The following KSR2 variants were observed in gnomAD, a reference collection of about 807,000 sequenced individuals.
KSR2 encodes kinase suppressor of ras 2.
Under a neutral mutation model 107.8 loss-of-function variants are expected in KSR2, and 25 were observed. That is an observed-to-expected ratio of 0.23 (90% CI 0.17 to 0.32). The LOEUF (loss-of-function observed/expected upper bound fraction) is 0.32. Among genes scored for constraint, KSR2 ranks in the 10% least tolerant of loss-of-function variants. The probability of loss-of-function intolerance (pLI) is 1.00; values close to 1 mark genes in which losing one functional copy is unlikely to be tolerated. For synonymous variants in KSR2, 480 were observed against 507.0 expected (o/e 0.95, Z 0.71); for missense variants, 887 against 1,268.9 (o/e 0.70, Z 4.57).
intron 5 of KSR2, among the ~76,000 whole-genome samples, chr12:117,651,792 T>C (rs1883916596): frequency 1.3e-5 from 2 of 152,164 alleles, no homozygotes; most frequent in African/African-American, 4.8e-5. Context: ...CCTTGACCAA[T>C]GTCTTATGAA....
chr12:117,680,611 T>G (rs1026373911), intron 4 of KSR2, among the ~76,000 whole-genome samples: 1 of 152,200 alleles, frequency 6.6e-6, no homozygotes, highest in African/African-American at 2.4e-5. Context: ...TGAAATTAAC[T>G]GTGCTTAGCA....
chr12:117,855,462 G>A lies in KSR2; in HGVS notation c.438C>T (p.Ala146=). 2 of 1,614,010 alleles carry A rather than the reference G, an allele frequency of 1.2e-6. No individual in the cohort carries two copies. The highest frequency in any genetic ancestry group is 8.5e-7 in the Non-Finnish European group (1 of 1,179,900). The change falls in exon 3 of 20, where the codon GCC becomes GCT. Residue 146 remains alanine (A), a synonymous_variant. Transcript: ENST00000339824. The stretch of plus-strand genomic sequence containing the variant: ...GGACATTCCTGAGGCAGGAGAGGGA[G>A]GCGTTGAGGCGGGCACACTCCTCCC... The part of the protein sequence containing the change: ...ANREECARLN[A]SLSCLRNVHM...
chr12:117,837,773 G>T (rs1892287236), intron 3 of KSR2, among the ~76,000 whole-genome samples: 2 of 152,210 alleles, frequency 1.3e-5, no homozygotes, highest in Admixed American at 6.5e-5. Context: ...GAAAGAAAAT[G>T]ATCAGATGAT....
At chr12:117,606,069 T>C (rs1221807978) in intron 5 of KSR2, among the ~76,000 whole-genome samples, 4 of 152,128 alleles carry the variant, frequency 2.6e-5, no homozygotes, top group Non-Finnish European at 4.4e-5. Flanking sequence ...TGACCATGGC[T>C]GATAGGAAAT....
At chr12:117,622,332 T>C (rs966082433) in intron 5 of KSR2, among the ~76,000 whole-genome samples, 12 of 152,162 alleles carry the variant, frequency 7.9e-5, no homozygotes, top group African/African-American at 2.9e-4. Context: ...TCAACACTGT[T>C]GAAATTTACA....
chr12:117,621,252 T>A (rs1882180951), intron 5 of KSR2, among the ~76,000 whole-genome samples: 1 of 152,182 alleles, frequency 6.6e-6, no homozygotes, highest in Non-Finnish European at 1.5e-5. Flanking sequence ...CCTTCCACCA[T>A]AACTAAGTTT....
At chr12:117,756,214 AAC>A (rs1888783245) in intron 4 of KSR2, among the ~76,000 whole-genome samples, 1 of 152,242 alleles carries the variant, frequency 6.6e-6, no homozygotes, top group Non-Finnish European at 1.5e-5. Flanking sequence ...ATGTAAATGA[AAC>A]AGTCTTATAT....
chr12:117,721,601 C>T (rs1388314351), intron 4 of KSR2, among the ~76,000 whole-genome samples: 2 of 152,140 alleles, frequency 1.3e-5, no homozygotes, highest in Non-Finnish European at 2.9e-5. Flanking sequence ...AGATTGAGCC[C>T]CCACTTCCCA....
intron 3 of KSR2, among the ~76,000 whole-genome samples, chr12:117,794,274 C>CAT (rs1388389706): frequency 0.077 from 3,547 of 46,274 alleles, 891 homozygotes; most frequent in African/African-American, 0.15. Flanking sequence ...AACATGCACA[C>CAT]ACACCAACAT....
At chr12:117,789,201 T>C (rs1490161390) in intron 3 of KSR2, among the ~76,000 whole-genome samples, 2 of 152,228 alleles carry the variant, frequency 1.3e-5, no homozygotes, top group African/African-American at 2.4e-5. Context: ...TCTGACCTTT[T>C]CTTCTCACTC....
At chr12:117,730,796 T>C (rs949689276) in intron 4 of KSR2, among the ~76,000 whole-genome samples, 2 of 152,202 alleles carry the variant, frequency 1.3e-5, no homozygotes, top group African/African-American at 4.8e-5. Flanking sequence ...AGACGGAGTC[T>C]CGCTCACTCA....
intron 5 of KSR2, among the ~76,000 whole-genome samples, chr12:117,634,392 T>C (rs1370009351): frequency 1.3e-5 from 2 of 152,174 alleles, no homozygotes; most frequent in Non-Finnish European, 2.9e-5. Flanking sequence ...CTGTAGAATC[T>C]GAAAGCCCCT....
At chr12:117,595,256 CTTAT>C (rs1237851660) in intron 5 of KSR2, among the ~76,000 whole-genome samples, 1 of 151,170 alleles carries the variant, frequency 6.6e-6, no homozygotes. Context: ...TATTTATTTA[CTTAT>C]TTATTTTACA....
At chr12:117,717,801 C>T (rs1262281365) in intron 4 of KSR2, among the ~76,000 whole-genome samples, 2 of 152,060 alleles carry the variant, frequency 1.3e-5, no homozygotes, top group South Asian at 2.1e-4. Context: ...ATAGGCAAGA[C>T]GCCCAAGCTG....
chr12:117,908,790 G>A (rs971233753), intron 1 of KSR2, among the ~76,000 whole-genome samples: 1 of 152,176 alleles, frequency 6.6e-6, no homozygotes, highest in South Asian at 2.1e-4. Context: ...CTTCAAATAT[G>A]TCACACTCAA....
intron 1 of KSR2, among the ~76,000 whole-genome samples, chr12:117,891,713 G>T (rs920290884): frequency 6.6e-6 from 1 of 152,152 alleles, no homozygotes; most frequent in East Asian, 1.9e-4. Context: ...TAGGCTGGGC[G>T]TGGTGGCTCA....
chr12:117,584,414 C>T (rs927514756), intron 5 of KSR2, among the ~76,000 whole-genome samples: 4 of 151,946 alleles, frequency 2.6e-5, no homozygotes, highest in Non-Finnish European at 4.4e-5. Context: ...GGGAGGATGG[C>T]GCTGGAGAGG....
intron 9 of KSR2, among the ~76,000 whole-genome samples, chr12:117,549,551 C>G (rs1359162521): frequency 6.6e-6 from 1 of 152,104 alleles, no homozygotes; most frequent in Non-Finnish European, 1.5e-5. Flanking sequence ...GCATCAGCAC[C>G]TAGCAATGAG....
intron 1 of KSR2, among the ~76,000 whole-genome samples, chr12:117,881,080 G>A (rs1285721574): frequency 1.3e-5 from 2 of 151,956 alleles, no homozygotes; most frequent in Non-Finnish European, 2.9e-5. Context: ...CTCAAGGGCC[G>A]GGGCCTTGTT....
Sources: gnomAD v4.1 joint callset for allele counts (sites outside exome capture counted in the v4.1 genomes callset) on GRCh38, gnomAD v4.1.1 for gene constraint, MANE v1.5 for transcripts, NCBI Gene and HGNC (gene_info 2026-07-23, HGNC 2026-07-21) for gene names.